GOLGA4: variants seen among roughly 807,000 people sequenced by gnomAD.
GOLGA4 encodes golgin subfamily A member 4.
GOLGA4 carries 169 observed loss-of-function variants against 265.9 expected under a neutral mutation model. The ratio of observed to expected loss-of-function variants is 0.64; its 90% CI spans 0.56 to 0.72. GOLGA4 has a LOEUF of 0.72. Ranked by LOEUF, GOLGA4 falls within the 30% of genes least tolerant of loss-of-function variation. The pLI is 0.00. For missense variants in GOLGA4, 2,482 were observed against 2,483.4 expected, an observed-to-expected ratio of 1.00 and a Z score of 0.01; for synonymous variants, 923 against 855.8, an observed-to-expected ratio of 1.08 and a Z score of -1.37.
rs2096967300 is a variant in GOLGA4, at chr3:37,325,449, T to C, written c.3563T>C (p.Leu1188Ser). The C allele has an allele frequency of 6.2e-7, 1 of 1,611,008 alleles. No homozygotes were observed. The highest frequency in any genetic ancestry group is 1.3e-5 in the African/African-American group (1 of 74,622). ...LKTTDEEFQS[L>S]KSSHEKSNKS... ...ACCACAGATGAAGAATTCCAGAGTT[T>C]GAAATCTTCACATGAAAAAAGTAAC... Residue 1188 changes from leucine to serine, a missense_variant, in exon 14 of 24, where the codon TTG becomes TCG. Leu to Ser is a moderately radical substitution (Grantham distance 145). Transcript: ENST00000361924.
chr3:37,289,806 G>A (rs1382631217), intron 5 of GOLGA4, among the ~76,000 whole-genome samples: 1 of 152,038 alleles, frequency 6.6e-6, no homozygotes, highest in Non-Finnish European at 1.5e-5. Flanking sequence ...GTTGACTTTT[G>A]GGGTTCTCCT....
chr3:37,297,684 C>T (rs761495508), intron 7 of GOLGA4, among the ~76,000 whole-genome samples: 1 of 152,146 alleles, frequency 6.6e-6, no homozygotes, highest in Non-Finnish European at 1.5e-5. Flanking sequence ...TATTAGCTGA[C>T]TAGGGTTGTC....
At chr3:37,363,295 A>C (rs566894361) in intron 23 of GOLGA4, among the ~76,000 whole-genome samples, 2 of 152,344 alleles carry the variant, frequency 1.3e-5, no homozygotes, top group Admixed American at 6.5e-5. Flanking sequence ...TAGCTAACCC[A>C]TTAAGTCTTA....
chr3:37,288,786 T>A (rs1261494335), intron 4 of GOLGA4, among the ~76,000 whole-genome samples: 1 of 152,206 alleles, frequency 6.6e-6, no homozygotes, highest in Non-Finnish European at 1.5e-5. Flanking sequence ...CTGGTTTTGT[T>A]TTTTTAAATA....
chr3:37,334,578 T>G (rs1031602435), intron 16 of GOLGA4, among the ~76,000 whole-genome samples: 2 of 152,182 alleles, frequency 1.3e-5, no homozygotes, highest in Non-Finnish European at 2.9e-5. Flanking sequence ...TAGTGCTCTG[T>G]ATAAAAATAC....
intron 9 of GOLGA4, 29 bp from the exon 10 acceptor site, chr3:37,302,156 A>T: frequency 6.2e-7 from 1 of 1,602,146 alleles, no homozygotes; most frequent in South Asian, 1.1e-5. Context: ...TTGTTATGCA[A>T]ATGTTTTAGA....
intron 20 of GOLGA4, chr3:37,341,854 A>G (rs964415366): frequency 8.5e-5 from 13 of 152,240 alleles, no homozygotes; most frequent in African/African-American, 2.7e-4. Flanking sequence ...GAACACATAT[A>G]TACAATTTAT....
intron 20 of GOLGA4, among the ~76,000 whole-genome samples, chr3:37,346,456 A>G (rs1318255070): frequency 2.0e-5 from 3 of 152,144 alleles, no homozygotes; most frequent in South Asian, 2.1e-4. Context: ...TTTTTTATCT[A>G]ATATTATTTT....
chr3:37,325,206 C>T lies in GOLGA4; in HGVS notation c.3320C>T (p.Thr1107Ile), dbSNP rs1432807841. Residue 1107 changes from threonine (T) to isoleucine (I), a missense_variant, in exon 14 of 24, where the codon ACA becomes ATA. Thr to Ile is a moderately conservative substitution (Grantham distance 89). Coordinates refer to ENST00000361924, the MANE Select transcript of GOLGA4 (RefSeq NM_002078.5). Reference protein sequence around the residue: ...LKEEGVKQDTTLNELQEQLKQ... With the variant: ...LKEEGVKQDTILNELQEQLKQ... ...GAAGAAGGTGTTAAGCAGGATACAA[C>T]ATTAAATGAATTACAGGAACAGTTA... 1.2e-6 allele frequency: 2 copies of T among 1,612,924 alleles called. No individual in the cohort carries two copies. The highest frequency in any genetic ancestry group is 1.7e-6 in the Non-Finnish European group (2 of 1,179,250).
At chr3:37,273,083 C>T (rs958324085) in intron 2 of GOLGA4, among the ~76,000 whole-genome samples, 4 of 152,108 alleles carry the variant, frequency 2.6e-5, no homozygotes, top group Non-Finnish European at 5.9e-5. Flanking sequence ...GAGACATTAC[C>T]GTTTCTTGCT....
At chr3:37,264,450 G>A (rs935957143) in intron 2 of GOLGA4, among the ~76,000 whole-genome samples, 1 of 152,078 alleles carries the variant, frequency 6.6e-6, no homozygotes, top group African/African-American at 2.4e-5. Context: ...GTTAATTGCT[G>A]AATCCTGTCT....
intron 21 of GOLGA4, among the ~76,000 whole-genome samples, chr3:37,353,160 C>T (rs1386284264): frequency 1.3e-5 from 2 of 151,934 alleles, no homozygotes; most frequent in African/African-American, 4.8e-5. Context: ...AATACAGTGA[C>T]CATCATAACA....
chr3:37,277,173 G>A (rs1465998820), intron 2 of GOLGA4, among the ~76,000 whole-genome samples: 1 of 152,068 alleles, frequency 6.6e-6, no homozygotes, highest in Non-Finnish European at 1.5e-5. Context: ...ATATTATTTT[G>A]CATCTGTAAC....
chr3:37,356,399 A>G (rs1482530649), intron 22 of GOLGA4, among the ~76,000 whole-genome samples: 1 of 152,062 alleles, frequency 6.6e-6, no homozygotes, highest in Non-Finnish European at 1.5e-5. Context: ...TGTATATTGT[A>G]TTGTATTATA....
chr3:37,347,872 C>T (rs1484467288), intron 21 of GOLGA4, among the ~76,000 whole-genome samples: 2 of 151,694 alleles, frequency 1.3e-5, no homozygotes, highest in African/African-American at 4.8e-5. Flanking sequence ...TATTTGTATC[C>T]CTTGCAGTGT....
intron 17 of GOLGA4, 122 bp from the exon 18 acceptor site, chr3:37,337,021 A>G (rs578097354): frequency 4.4e-6 from 3 of 676,006 alleles, no homozygotes; most frequent in Non-Finnish European, 7.8e-6. Context: ...CTCAAGTCTG[A>G]CCACTCCCTT....
intron 2 of GOLGA4, among the ~76,000 whole-genome samples, chr3:37,273,142 T>C (rs977593652): frequency 1.3e-5 from 2 of 152,238 alleles, no homozygotes; most frequent in African/African-American, 4.8e-5. Context: ...AGTATTATTT[T>C]ATTGTAGGAA....
intron 22 of GOLGA4, among the ~76,000 whole-genome samples, chr3:37,359,652 C>G (rs2097099381): frequency 6.6e-6 from 1 of 152,042 alleles, no homozygotes; most frequent in Non-Finnish European, 1.5e-5. Context: ...GTATATAGTT[C>G]TTCATCAGTC....
Position 37,366,320 on chromosome 3 carries a change from T to TTAAAAGATATTTTGATAACTTAACC in GOLGA4, c.*276_*300dup. On this transcript the variant is annotated 3_prime_UTR_variant, in exon 24 of 24. Coordinates refer to ENST00000361924, the MANE Select transcript of GOLGA4 (RefSeq NM_002078.5). ...TCTCTTGGGAAGAGTTTTATGTTGTTTAAAAGATATTTTGATAACTTAACC... is the reference window on the plus strand; with the variant it reads ...TCTCTTGGGAAGAGTTTTATGTTGTTTAAAAGATATTTTGATAACTTAACCTAAAAGATATTTTGATAACTTAACC... 2.4e-6 allele frequency: 1 copy of TTAAAAGATATTTTGATAACTTAACC among 415,488 alleles called. No individual in the cohort carries two copies. Among genetic ancestry groups the TTAAAAGATATTTTGATAACTTAACC allele is most frequent in the Non-Finnish European group, 4.2e-6 (1 of 236,162 alleles). The allele number at this position is 415,488 out of a possible 1,614,324, so 25.7% of individuals were successfully genotyped here. A position where few individuals can be genotyped will look rare whatever the true frequency, so the allele number is the denominator to read the frequency against.
Sources: gnomAD v4.1 joint callset for allele counts (sites outside exome capture counted in the v4.1 genomes callset) on GRCh38, gnomAD v4.1.1 for gene constraint, MANE v1.5 for transcripts, NCBI Gene and HGNC (gene_info 2026-07-23, HGNC 2026-07-21) for gene names.